DIP2B: variants seen among roughly 807,000 people sequenced by gnomAD.
DIP2B encodes disco-interacting protein 2 homolog B.
A neutral mutation model predicts 198.0 loss-of-function variants in DIP2B; 76 were observed. The observed-to-expected ratio is 0.38, with a 90% confidence interval of 0.32 to 0.46. The LOEUF (loss-of-function observed/expected upper bound fraction) is 0.46. DIP2B is among the 20% of genes least tolerant of loss of function. The pLI is 0.99. For synonymous variants in DIP2B, 701 were observed against 739.1 expected (o/e 0.95, Z 0.84); for missense variants, 1,559 against 1,978.4 (o/e 0.79, Z 4.02).
Position 50,747,305 on chromosome 12 carries a change from T to C in DIP2B, c.*2466T>C, listed in dbSNP as rs1034539204. 3 of 152,220 alleles carry C rather than the reference T, an allele frequency of 2.0e-5. No individual in the cohort carries two copies. The highest frequency in any genetic ancestry group is 2.4e-5 in the African/African-American group (1 of 41,452). 9.4% of individuals were successfully genotyped at this position (152,220 alleles called of 1,614,324 possible). ...TCTCAAAGTGTGGCCAACTCCCATT[T>C]ACTTAGAGGCTGATTATCTAGTTTT... On this transcript the variant is annotated 3_prime_UTR_variant, in exon 38 of 38. Transcript: ENST00000301180.
chr12:50,721,474 G>C, intron 26 of DIP2B, 78 bp downstream of exon 26: 1 of 1,579,390 alleles, frequency 6.3e-7, no homozygotes, highest in Admixed American at 1.7e-5. Context: ...TAGGCACTCA[G>C]AGCTACTCTC....
intron 1 of DIP2B, among the ~76,000 whole-genome samples, chr12:50,591,384 T>A (rs1278927481): frequency 6.6e-6 from 1 of 152,096 alleles, no homozygotes; most frequent in Non-Finnish European, 1.5e-5. Flanking sequence ...CCTAATCTTT[T>A]CCCCATTGTA....
intron 10 of DIP2B, among the ~76,000 whole-genome samples, chr12:50,684,185 C>T (rs1939093545): frequency 6.6e-6 from 1 of 152,234 alleles, no homozygotes; most frequent in Non-Finnish European, 1.5e-5. Flanking sequence ...AAGAATCCCA[C>T]TCTTGCTTCA....
In DIP2B at chr12:50,747,492, A is replaced by G. The variant is rs1940355880; in HGVS notation, c.*2653A>G. The G allele has an allele frequency of 6.6e-6, 1 of 152,202 alleles. No homozygotes were observed. The allele number at this position is 152,202 out of a possible 1,614,324, so 9.4% of individuals were successfully genotyped here. A position where few individuals can be genotyped will look rare whatever the true frequency, so the allele number is the denominator to read the frequency against. On this transcript the variant is annotated 3_prime_UTR_variant, in exon 38 of 38. Coordinates refer to ENST00000301180, the MANE Select transcript of DIP2B (RefSeq NM_173602.3). ...AAAGCATCCTGTGGAGGGAGAGGAG[A>G]GCCCAGTCATTTGCTTAGATGGTGT...
intron 1 of DIP2B, among the ~76,000 whole-genome samples, chr12:50,572,506 C>CT (rs1409260762): frequency 6.6e-6 from 1 of 152,190 alleles, no homozygotes. Context: ...AAAACATTTA[C>CT]TGAATGCCTT....
At chr12:50,597,716 T>C in intron 1 of DIP2B, among the ~76,000 whole-genome samples, 1 of 152,202 alleles carries the variant, frequency 6.6e-6, no homozygotes, top group East Asian at 1.9e-4. Context: ...CTGGCAAGTG[T>C]GTGATGACTG....
chr12:50,650,224 G>A (rs1475504704), intron 3 of DIP2B, among the ~76,000 whole-genome samples: 2 of 151,538 alleles, frequency 1.3e-5, no homozygotes, highest in Non-Finnish European at 2.9e-5. Context: ...AAAAAAAAGT[G>A]CCAAATGAAA....
chr12:50,722,210 C>T (rs1273008403), intron 26 of DIP2B, among the ~76,000 whole-genome samples: 1 of 151,900 alleles, frequency 6.6e-6, no homozygotes, highest in Non-Finnish European at 1.5e-5. Context: ...GTTATCCCCC[C>T]ACACTTCATA....
intron 26 of DIP2B, 131 bp downstream of exon 26, chr12:50,721,527 T>C: frequency 7.2e-7 from 1 of 1,383,814 alleles, no homozygotes; most frequent in Non-Finnish European, 9.8e-7. Flanking sequence ...TAGAAGACCA[T>C]GCACACAGGC....
At chr12:50,725,438 A>G (rs1939914020) in intron 28 of DIP2B, among the ~76,000 whole-genome samples, 1 of 152,232 alleles carries the variant, frequency 6.6e-6, no homozygotes, top group Non-Finnish European at 1.5e-5. Flanking sequence ...TTTAGATAGT[A>G]TTCGTATTAA....
intron 8 of DIP2B, 142 bp downstream of exon 8, chr12:50,679,018 T>G: frequency 3.2e-6 from 3 of 942,036 alleles, no homozygotes; most frequent in Non-Finnish European, 4.6e-6. Context: ...TCCTAAGCTC[T>G]AAGTAAAGCT....
chr12:50,539,981 C>T (rs1433571302), intron 1 of DIP2B, among the ~76,000 whole-genome samples: 2 of 149,498 alleles, frequency 1.3e-5, no homozygotes, highest in Non-Finnish European at 3.0e-5. Context: ...GCTTCTATGG[C>T]ATCCCATTAC....
intron 1 of DIP2B, among the ~76,000 whole-genome samples, chr12:50,591,963 T>C (rs1417023204): frequency 6.6e-6 from 1 of 151,568 alleles, no homozygotes; most frequent in African/African-American, 2.4e-5. Flanking sequence ...CTGTAACCTC[T>C]GCCTCCCGGG....
intron 20 of DIP2B, among the ~76,000 whole-genome samples, chr12:50,705,497 C>T (rs1939498233): frequency 6.6e-6 from 1 of 152,196 alleles, no homozygotes. Flanking sequence ...AGGAAGATTC[C>T]TTGAAGCTGC....
intron 1 of DIP2B, among the ~76,000 whole-genome samples, chr12:50,527,150 T>C (rs1171957074): frequency 6.6e-6 from 1 of 152,234 alleles, no homozygotes; most frequent in Admixed American, 6.5e-5. Flanking sequence ...GGCAAAATGT[T>C]GGAAAACCAT....
chr12:50,568,749 G>A (rs1437607319), intron 1 of DIP2B, among the ~76,000 whole-genome samples: 2 of 152,148 alleles, frequency 1.3e-5, no homozygotes, highest in African/African-American at 4.8e-5. Context: ...AAGGAGAGAG[G>A]CTGAGGGGAG....
chr12:50,507,708 G>A (rs940259817), intron 1 of DIP2B, among the ~76,000 whole-genome samples: 1 of 151,984 alleles, frequency 6.6e-6, no homozygotes, highest in Non-Finnish European at 1.5e-5. Flanking sequence ...AATTTTTTTT[G>A]TATTTATAGT....
chr12:50,733,504 A>G (rs887946692), intron 32 of DIP2B, among the ~76,000 whole-genome samples: 3 of 152,122 alleles, frequency 2.0e-5, no homozygotes, highest in Non-Finnish European at 2.9e-5. Context: ...CCTGGGCAAC[A>G]TAGTTGAGAC....
Position 50,505,787 on chromosome 12 carries a change from A to G in DIP2B, c.100+547A>G, listed in dbSNP as rs1249559226. Among the ~76,000 whole-genome samples, 12 of 152,108 alleles carry G rather than the reference A, an allele frequency of 7.9e-5. No homozygotes were observed. The East Asian group carries it at 2.1e-3, about 27-fold the overall frequency. On this transcript the variant is annotated intron_variant, in intron 1 of 37. Transcript: ENST00000301180. ...AAGCGGGTGAGCCATTTAGGGTCCT[A>G]GGAAGATAAGAAGCAATGGCATTAA...
Sources: allele counts gnomAD v4.1 joint callset (sites outside exome capture counted in the v4.1 genomes callset), GRCh38; gene constraint gnomAD v4.1.1; transcripts MANE v1.5; gene names NCBI Gene and HGNC (gene_info 2026-07-23, HGNC 2026-07-21).